Variants in LARGE1 observed in about 807,000 individuals in gnomAD.
LARGE1 encodes LARGE xylosyl- and glucuronyltransferase 1.
LARGE1 carries 43 observed loss-of-function variants against 87.6 expected under a neutral mutation model. The ratio of observed to expected loss-of-function variants is 0.49; its 90% CI spans 0.38 to 0.63. The LOEUF (loss-of-function observed/expected upper bound fraction) is 0.63. Among genes scored for constraint, LARGE1 ranks in the 30% least tolerant of loss-of-function variants. The probability of loss-of-function intolerance (pLI) is 0.00; values close to 1 mark genes in which losing one functional copy is unlikely to be tolerated. For missense variants in LARGE1, 802 were observed against 1,000.2 expected (o/e 0.80, Z 2.67); for synonymous variants, 434 against 394.6 (o/e 1.10, Z -1.18).
intron 6 of LARGE1, among the ~76,000 whole-genome samples, chr22:33,519,437 G>T (rs1305170201): frequency 2.0e-5 from 3 of 152,074 alleles, no homozygotes; most frequent in Non-Finnish European, 4.4e-5. Flanking sequence ...TTATTCATTT[G>T]CACCAGAAGG....
chr22:33,218,111 G>C (rs897242820), intron 11 of LARGE1, among the ~76,000 whole-genome samples: 9 of 152,008 alleles, frequency 5.9e-5, no homozygotes, highest in African/African-American at 2.2e-4. Flanking sequence ...TGTATTTTTA[G>C]TAGAGGTGGG....
At chr22:33,280,138 C>T (rs1454162374) in intron 13 of LARGE1, among the ~76,000 whole-genome samples, 1 of 152,064 alleles carries the variant, frequency 6.6e-6, no homozygotes, top group Non-Finnish European at 1.5e-5. Context: ...CTGGAGGCTG[C>T]CTGCCTGGGT....
At chr22:33,790,187 T>A (rs1381369645) in intron 1 of LARGE1, among the ~76,000 whole-genome samples, 2 of 152,022 alleles carry the variant, frequency 1.3e-5, no homozygotes, top group African/African-American at 4.8e-5. Flanking sequence ...CAAATGGGAG[T>A]TCCCCTGCAC....
At chr22:33,331,148 C>T (rs1336279762) in intron 10 of LARGE1, among the ~76,000 whole-genome samples, 1 of 152,160 alleles carries the variant, frequency 6.6e-6, no homozygotes. Flanking sequence ...GTGCCAAGTC[C>T]TTCTTTTTTG....
intron 2 of LARGE1, among the ~76,000 whole-genome samples, chr22:33,710,728 T>C (rs570407340): frequency 6.6e-6 from 1 of 152,280 alleles, no homozygotes; most frequent in South Asian, 2.1e-4. Flanking sequence ...TAAATCAAGA[T>C]CACCACAATG....
intron 6 of LARGE1, among the ~76,000 whole-genome samples, chr22:33,458,493 G>C (rs149534633): frequency 6.6e-6 from 1 of 151,532 alleles, no homozygotes; most frequent in South Asian, 2.1e-4. Context: ...GTGCAATGGC[G>C]TGATCTCGGC....
intron 9 of LARGE1, among the ~76,000 whole-genome samples, chr22:33,381,493 A>G (rs138383133): frequency 2.0e-4 from 31 of 152,220 alleles, no homozygotes; most frequent in African/African-American, 7.0e-4. Context: ...GTCCTTTTTT[A>G]AATACTTACT....
chr22:33,382,778 G>A (rs976885733), intron 8 of LARGE1, among the ~76,000 whole-genome samples: 5 of 152,196 alleles, frequency 3.3e-5, no homozygotes, highest in South Asian at 4.2e-4. Flanking sequence ...TGCTAGCTTT[G>A]GGGGACATGC....
At chr22:33,459,181 T>A (rs1196640288) in intron 6 of LARGE1, among the ~76,000 whole-genome samples, 1 of 152,216 alleles carries the variant, frequency 6.6e-6, no homozygotes, top group Admixed American at 6.5e-5. Flanking sequence ...TGTGTCTATG[T>A]GTTCTCAATG....
At position 33,564,932 on chromosome 22, in the gene LARGE1, G is replaced by A. The variant is rs376057149; in HGVS notation, c.703C>T (p.Leu235=). The change falls in exon 6 of 15, where the codon CTG becomes TTG. Residue 235 remains leucine (L), a synonymous_variant. Coordinates refer to ENST00000397394, the MANE Select transcript of LARGE1 (RefSeq NM_133642.5). The stretch of plus-strand genomic sequence containing the variant: ...GTGTCAAGGACGATGACTCTCTCCA[G>A]GTTGGCAGGAAGAGTCTTGGTCAGG... ...LVLTKTLPAN[L]ERVIVLDTDI... The A allele has an allele frequency of 1.9e-5, 31 of 1,613,940 alleles. No homozygotes were observed. The highest frequency in any genetic ancestry group is 2.5e-5 in the Non-Finnish European group (29 of 1,179,912).
At chr22:33,529,301 T>C (rs1033858501) in intron 6 of LARGE1, among the ~76,000 whole-genome samples, 1 of 152,186 alleles carries the variant, frequency 6.6e-6, no homozygotes, top group African/African-American at 2.4e-5. Flanking sequence ...CTCCTGCTCA[T>C]GTGTCCCTCA....
intron 5 of LARGE1, among the ~76,000 whole-genome samples, chr22:33,576,474 T>C (rs1314462862): frequency 6.6e-6 from 1 of 151,692 alleles, no homozygotes; most frequent in Non-Finnish European, 1.5e-5. Context: ...GTGAGGGAGG[T>C]GGGGCATGGG....
intron 13 of LARGE1, among the ~76,000 whole-genome samples, chr22:33,279,009 C>T (rs1203475664): frequency 1.3e-5 from 2 of 152,172 alleles, no homozygotes; most frequent in East Asian, 1.9e-4. Flanking sequence ...TGAGCCACCA[C>T]GGCCGGCTGG....
Position 33,920,040 on chromosome 22 carries a change from G to A in LARGE1, c.-128C>T, listed in dbSNP as rs1304180254. On this transcript the variant is annotated 5_prime_UTR_variant, in exon 1 of 15. Coordinates refer to ENST00000397394, the MANE Select transcript of LARGE1 (RefSeq NM_133642.5). ...GGCAGAGGGAGACACGGAAGAACAG[G>A]GTGGCGCGGCGGCGCCGCCGCCTAC... 1 of 152,410 alleles carries A rather than the reference G, an allele frequency of 6.6e-6. No individual in the cohort carries two copies. Among genetic ancestry groups the A allele is most frequent in the South Asian group, 2.1e-4 (1 of 4,838 alleles). 9.4% of individuals were successfully genotyped at this position (152,410 alleles called of 1,614,324 possible). A position where few individuals can be genotyped will look rare whatever the true frequency, so the allele number is the denominator to read the frequency against.
intron 11 of LARGE1, among the ~76,000 whole-genome samples, chr22:33,208,041 A>G (rs2146225188): frequency 6.6e-6 from 1 of 152,306 alleles, no homozygotes; most frequent in South Asian, 2.1e-4. Flanking sequence ...CCTCATTGTA[A>G]TAAGCCTGAA....
In LARGE1 at chr22:33,432,246, C is replaced by A; in HGVS notation, c.807G>T (p.Leu269Phe). ...GGTACCAGTCACTCTGGTTCTCCAC[C>A]AAGCCCAGGACTTGCTGACCTGTGA... is the stretch of plus-strand genomic sequence containing the variant. ...HKFKGQQVLG[L>F]VENQSDWYLG... Residue 269 changes from leucine to phenylalanine, a missense_variant, in exon 7 of 15, where the codon TTG becomes TTT. Leu to Phe is a conservative substitution (Grantham distance 22). Around this residue, in one of 2 missense-constraint regions of LARGE1, gnomAD observed 625 missense variants for 841.9 expected, o/e 0.74. Coordinates refer to ENST00000397394, the MANE Select transcript of LARGE1 (RefSeq NM_133642.5). 6.2e-7 allele frequency: 1 copy of A among 1,614,094 alleles called. No homozygotes were observed. The highest frequency in any genetic ancestry group is 8.5e-7 in the Non-Finnish European group (1 of 1,179,964).
chr22:33,864,788 C>T (rs2064036824), intron 1 of LARGE1, among the ~76,000 whole-genome samples: 1 of 152,344 alleles, frequency 6.6e-6, no homozygotes, highest in East Asian at 1.9e-4. Flanking sequence ...CATTTTTCCT[C>T]TTCCTACTTT....
intron 11 of LARGE1, among the ~76,000 whole-genome samples, chr22:33,206,654 C>T (rs531065802): frequency 2.0e-5 from 3 of 152,276 alleles, no homozygotes; most frequent in African/African-American, 7.2e-5. Context: ...TAGCACAGTC[C>T]AATAGGTCTC....
chr22:33,702,356 T>C (rs2283933), intron 2 of LARGE1, among the ~76,000 whole-genome samples: 30,068 of 152,140 alleles, frequency 0.2, 3,059 homozygotes, highest in Admixed American at 0.25. Context: ...AAAGCCAGAA[T>C]CTAGCCCCCA....
Sources: allele counts gnomAD v4.1 joint callset (sites outside exome capture counted in the v4.1 genomes callset), GRCh38; gene constraint gnomAD v4.1.1; regional missense constraint gnomAD v4.1.1; transcripts MANE v1.5; gene names NCBI Gene and HGNC (gene_info 2026-07-23, HGNC 2026-07-21).